MYOF: variants seen among roughly 807,000 people sequenced by gnomAD.
MYOF encodes the protein fer-1-like 3, myoferlin.
In MYOF, 244 loss-of-function variants were observed where a neutral mutation model predicts 284.2. The ratio of observed to expected loss-of-function variants is 0.86; its 90% CI spans 0.77 to 0.95. The LOEUF (loss-of-function observed/expected upper bound fraction) is 0.95, where lower values mean the gene tolerates loss of function less well. MYOF is among the 40% of genes least tolerant of loss of function. The pLI, the probability that MYOF is intolerant of heterozygous loss-of-function variation, is 0.00. For synonymous variants in MYOF, 904 were observed against 919.7 expected, an observed-to-expected ratio of 0.98 and a Z score of 0.31; for missense variants, 2,496 against 2,560.6, an observed-to-expected ratio of 0.97 and a Z score of 0.54.
At chr10:93,330,259 T>C (rs572395722) in intron 43 of MYOF, among the ~76,000 whole-genome samples, 2 of 151,944 alleles carry the variant, frequency 1.3e-5, no homozygotes, top group Admixed American at 1.3e-4. Flanking sequence ...ATAATAATAA[T>C]GATGTATTAT....
intron 1 of MYOF, among the ~76,000 whole-genome samples, chr10:93,477,992 A>C (rs892100405): frequency 7.2e-5 from 11 of 152,188 alleles, no homozygotes; most frequent in Non-Finnish European, 1.6e-4. Flanking sequence ...ATTCAAATCA[A>C]ATTGTTCAGA....
At position 93,306,712 on chromosome 10, in the gene MYOF, AT is replaced by A; in HGVS notation, c.*250del. 2.2e-6 allele frequency: 1 copy of A among 453,410 alleles called. No individual in the cohort carries two copies. The highest frequency in any genetic ancestry group is 3.8e-6 in the Non-Finnish European group (1 of 259,912). The allele number at this position is 453,410 out of a possible 1,614,324, so 28.1% of individuals were successfully genotyped here. A position where few individuals can be genotyped will look rare whatever the true frequency, so the allele number is the denominator to read the frequency against. ...TAAATGGAACCAGCCACCTTGAAAA[AT>A]ATTTTGAAAAACATGATTTAAACTT... On this transcript the variant is annotated 3_prime_UTR_variant, in exon 54 of 54. Transcript: ENST00000359263.
At position 93,374,759 on chromosome 10, in the gene MYOF, C is replaced by T. The variant is rs753795633; in HGVS notation, c.2301+4G>A. ...GTGACGTTTGTGTAGTTTAAAAGTC[C>T]TACCTCTTCAGTCAGCTGCATTAAT... On this transcript the variant is annotated splice_donor_region_variant and intron_variant, in intron 23 of 53. Coordinates refer to ENST00000359263, the MANE Select transcript of MYOF (RefSeq NM_013451.4). 1.9e-6 allele frequency: 3 copies of T among 1,612,738 alleles called. No homozygotes were observed. Among genetic ancestry groups the T allele is most frequent in the East Asian group, 4.5e-5 (2 of 44,884 alleles).
At chr10:93,390,063 T>C (rs952520200) in intron 17 of MYOF, among the ~76,000 whole-genome samples, 2 of 152,244 alleles carry the variant, frequency 1.3e-5, no homozygotes, top group African/African-American at 4.8e-5. Context: ...GGCAAAGGCT[T>C]CAGCCTATCT....
intron 38 of MYOF, among the ~76,000 whole-genome samples, chr10:93,342,944 G>A (rs952608594): frequency 1.3e-5 from 2 of 152,162 alleles, no homozygotes; most frequent in Non-Finnish European, 2.9e-5. Flanking sequence ...GACTGTGTAG[G>A]ATTCACAGAG....
intron 16 of MYOF, among the ~76,000 whole-genome samples, chr10:93,393,815 T>A (rs1316980421): frequency 6.6e-6 from 1 of 152,212 alleles, no homozygotes; most frequent in Non-Finnish European, 1.5e-5. Context: ...CATCTCTATC[T>A]TCCACACTTT....
intron 40 of MYOF, 40 bp downstream of exon 40, chr10:93,337,775 G>C: frequency 6.5e-7 from 1 of 1,548,006 alleles, no homozygotes; most frequent in Non-Finnish European, 8.9e-7. Context: ...AGTTTCAAAG[G>C]ATGTTGATTC....
intron 38 of MYOF, among the ~76,000 whole-genome samples, chr10:93,342,485 A>G (rs1843968065): frequency 6.6e-6 from 1 of 152,194 alleles, no homozygotes. Flanking sequence ...GCAATTTACA[A>G]TACAGTGGGA....
At chr10:93,330,477 T>C (rs1843248766) in intron 43 of MYOF, among the ~76,000 whole-genome samples, 1 of 152,208 alleles carries the variant, frequency 6.6e-6, no homozygotes, top group African/African-American at 2.4e-5. Flanking sequence ...GTGAGTGTGA[T>C]TCACCATAGG....
intron 22 of MYOF, 100 bp from the exon 23 acceptor site, chr10:93,375,055 A>C (rs2133978610): frequency 8.7e-7 from 1 of 1,155,370 alleles, no homozygotes; most frequent in East Asian, 2.6e-5. Flanking sequence ...TCCATCTTGC[A>C]AACCACATCA....
intron 3 of MYOF, among the ~76,000 whole-genome samples, chr10:93,446,960 G>A (rs1277805047): frequency 6.6e-6 from 1 of 151,986 alleles, no homozygotes; most frequent in African/African-American, 2.4e-5. Flanking sequence ...CAAGTGATCT[G>A]CCTGCCTCGG....
At chr10:93,434,302 C>T (rs781723827) in intron 3 of MYOF, among the ~76,000 whole-genome samples, 8 of 151,942 alleles carry the variant, frequency 5.3e-5, no homozygotes, top group African/African-American at 1.2e-4. Flanking sequence ...TGTGGTGGTG[C>T]GCACCTGTAA....
Position 93,313,075 on chromosome 10 carries a change from G to A in MYOF, c.5834C>T (p.Ser1945Phe). 1 of 1,613,948 alleles carries A rather than the reference G, an allele frequency of 6.2e-7. No homozygotes were observed. Among genetic ancestry groups the A allele is most frequent in the Non-Finnish European group, 8.5e-7 (1 of 1,179,928 alleles). Reference protein sequence around the residue: ...AKTASLFEQKSMKGWWPCYAE... With the variant: ...AKTASLFEQKFMKGWWPCYAE... Reference sequence around the variant, plus strand: ...GTAGCATGGCCACCATCCTTTCATGGACTTCTGCTCAAAGAGGGAGGCTGT... The same window carrying A: ...GTAGCATGGCCACCATCCTTTCATGAACTTCTGCTCAAAGAGGGAGGCTGT... Residue 1945 changes from serine (S) to phenylalanine (F), a missense_variant, in exon 51 of 54, where the codon TCC (serine) becomes TTC (phenylalanine). Coordinates refer to ENST00000359263, the MANE Select transcript of MYOF (RefSeq NM_013451.4).
At chr10:93,437,305 A>T (rs183051204) in intron 3 of MYOF, among the ~76,000 whole-genome samples, 1 of 152,132 alleles carries the variant, frequency 6.6e-6, no homozygotes, top group Admixed American at 6.5e-5. Context: ...GACAGAGTAT[A>T]GTTTGTTTAC....
At chr10:93,364,319 C>T (rs1845225508) in intron 26 of MYOF, among the ~76,000 whole-genome samples, 1 of 152,244 alleles carries the variant, frequency 6.6e-6, no homozygotes, top group Non-Finnish European at 1.5e-5. Context: ...AACAAGGTTG[C>T]TCCTTCTCAG....
chr10:93,397,482 T>C, intron 13 of MYOF, 26 bp from the exon 14 acceptor site: 1 of 1,570,600 alleles, frequency 6.4e-7, no homozygotes, highest in South Asian at 1.2e-5. Context: ...AGCAAAAGTG[T>C]AGGTTTTCAA....
At chr10:93,349,995 G>T (rs1305808173) in intron 35 of MYOF, 26 bp from the exon 36 acceptor site, 10 of 1,605,854 alleles carry the variant, frequency 6.2e-6, no homozygotes, top group Non-Finnish European at 8.5e-6. Flanking sequence ...AAAGAGAGGG[G>T]AAGGTAACTC....
At chr10:93,345,284 GT>G (rs1163466307) in intron 37 of MYOF, among the ~76,000 whole-genome samples, 1 of 152,132 alleles carries the variant, frequency 6.6e-6, no homozygotes, top group East Asian at 1.9e-4. Context: ...CATTATCCCT[GT>G]TTTAAAAATT....
At chr10:93,309,954 C>T (rs1842307102) in intron 53 of MYOF, 66 bp downstream of exon 53, 5 of 1,596,770 alleles carry the variant, frequency 3.1e-6, no homozygotes, top group Non-Finnish European at 4.3e-6. Context: ...AGGGCAGATG[C>T]CAAGGGAGAG....
Sources: gnomAD v4.1 joint callset for allele counts (sites outside exome capture counted in the v4.1 genomes callset) on GRCh38, gnomAD v4.1.1 for gene constraint, MANE v1.5 for transcripts, NCBI Gene and HGNC (gene_info 2026-07-23, HGNC 2026-07-21) for gene names.